Variants in GYPB observed in about 807,000 individuals in gnomAD.
The protein encoded by GYPB is glycophorin-B.
Under a neutral mutation model 15.3 loss-of-function variants are expected in GYPB, and 13 were observed. The observed-to-expected ratio is 0.85, with a 90% confidence interval of 0.55 to 1.35. GYPB has a LOEUF of 1.35. GYPB is among the 40% of genes most tolerant of loss of function. The pLI is 0.00. For missense variants in GYPB, 131 were observed against 108.3 expected, an observed-to-expected ratio of 1.21 and a Z score of -0.93; for synonymous variants, 38 against 36.9, an observed-to-expected ratio of 1.03 and a Z score of -0.11.
downstream of GYPB, chr4:143,996,004 G>A (rs1428868595): frequency 1.1e-5 from 6 of 530,892 alleles, no homozygotes; most frequent in Non-Finnish European, 1.8e-5. Context: ...TCCGCTGTTG[G>A]CTTTGTTCAG....
intron 2 of GYPB, among the ~76,000 whole-genome samples, chr4:143,999,712 G>T (rs575461248): frequency 6.6e-6 from 1 of 151,528 alleles, no homozygotes; most frequent in East Asian, 1.9e-4. Flanking sequence ...GAGGGGAAAG[G>T]AATGAGAAAG....
intron 1 of GYPB, among the ~76,000 whole-genome samples, chr4:144,019,009 T>A (rs1318707079): frequency 6.6e-6 from 1 of 151,350 alleles, no homozygotes; most frequent in African/African-American, 2.5e-5. Context: ...CTAGCTAGAC[T>A]TAGAATTGAA....
At chr4:144,011,673 T>C (rs1191268281) in intron 1 of GYPB, among the ~76,000 whole-genome samples, 8 of 151,236 alleles carry the variant, frequency 5.3e-5, no homozygotes, top group African/African-American at 1.7e-4. Flanking sequence ...ACAGAAAGGA[T>C]CTGAAATATA....
At chr4:143,999,178 G>A (rs1278001151) in intron 3 of GYPB, 4 of 390,484 alleles carry the variant, frequency 1.0e-5, no homozygotes, top group Non-Finnish European at 1.9e-5. Flanking sequence ...AAAATTATAG[G>A]GATTATAGGC....
At chr4:144,004,227 A>T (rs1256183972) in intron 1 of GYPB, among the ~76,000 whole-genome samples, 1 of 151,836 alleles carries the variant, frequency 6.6e-6, no homozygotes, top group East Asian at 1.9e-4. Flanking sequence ...TGCCCTAAAG[A>T]TAATTTGATA....
intron 1 of GYPB, among the ~76,000 whole-genome samples, chr4:144,016,297 A>G (rs1412181976): frequency 6.6e-6 from 1 of 150,630 alleles, no homozygotes; most frequent in African/African-American, 2.5e-5. Flanking sequence ...ACCAGATGAA[A>G]ACAAATATTT....
Position 144,008,561 on chromosome 4 carries a change from C to T in GYPB, c.38-7278G>A, listed in dbSNP as rs1728047503. 6 of 451,150 alleles carry T rather than the reference C, an allele frequency of 1.3e-5. No individual in the cohort carries two copies. The Admixed American group carries it at 1.4e-4, about 11-fold the overall frequency. 27.9% of individuals were successfully genotyped at this position (451,150 alleles called of 1,614,324 possible). The stretch of plus-strand genomic sequence containing the variant: ...GCATATTCCAATCTGGTCACTCCTG[C>T]CTACTAAAGAATCCTCAGAACAAAA... On this transcript the variant is annotated intron_variant, in intron 1 of 4. Coordinates refer to ENST00000502664, the MANE Select transcript of GYPB (RefSeq NM_002100.6).
At chr4:144,009,327 T>C (rs1421917021) in intron 1 of GYPB, among the ~76,000 whole-genome samples, 1 of 151,168 alleles carries the variant, frequency 6.6e-6, no homozygotes, top group African/African-American at 2.5e-5. Context: ...AAATTGTCTG[T>C]TGAGATCCCT....
intron 1 of GYPB, among the ~76,000 whole-genome samples, chr4:144,015,732 C>T (rs1560716561): frequency 6.6e-6 from 1 of 151,212 alleles, no homozygotes; most frequent in Non-Finnish European, 1.5e-5. Context: ...TTCTAAAAAC[C>T]CTATTTCACA....
chr4:144,007,597 T>C (rs1727989629), intron 1 of GYPB, among the ~76,000 whole-genome samples: 1 of 151,540 alleles, frequency 6.6e-6, no homozygotes. Flanking sequence ...TTCCAGCCAG[T>C]GCACATTCTT....
Position 143,999,430 on chromosome 4 carries a change from G to T in GYPB, c.156C>A (p.Val52=). 1 of 1,544,054 alleles carries T rather than the reference G, an allele frequency of 6.5e-7. No homozygotes were observed. Among genetic ancestry groups the T allele is most frequent in the Non-Finnish European group, 8.9e-7 (1 of 1,121,278 alleles). Residue 52 remains valine (V), a synonymous_variant, in exon 3 of 5, where the codon GTC becomes GTA. Coordinates refer to ENST00000502664, the MANE Select transcript of GYPB (RefSeq NM_002100.6). ...ACATACCTGGTACAGTGAAACGATG[G>T]ACAAGTTGTCCCGTTTCTCCTATAA... ...SQTNGETGQL[V]HRFTVPAPVV...
chr4:143,999,431 A>T lies in GYPB; in HGVS notation c.155T>A (p.Val52Asp). ...CATACCTGGTACAGTGAAACGATGG[A>T]CAAGTTGTCCCGTTTCTCCTATAAA... ...SQTNGETGQL[V>D]HRFTVPAPVV... is the part of the protein sequence containing the mutation. The change falls in exon 3 of 5, where the codon GTC (valine) becomes GAC (aspartate). Residue 52 changes from valine (V) to aspartate (D), a missense_variant. Transcript: ENST00000502664. 1 of 1,545,306 alleles carries T rather than the reference A, an allele frequency of 6.5e-7. No individual in the cohort carries two copies. The highest frequency in any genetic ancestry group is 2.3e-5 in the East Asian group (1 of 44,440).
In GYPB at chr4:143,997,575, G is replaced by T. The variant is rs1269091768; in HGVS notation, c.235C>A (p.Leu79Ile). The change falls in exon 4 of 5, where the codon CTC (leucine) becomes ATC (isoleucine). Residue 79 changes from leucine to isoleucine, a missense_variant. Coordinates refer to ENST00000502664, the MANE Select transcript of GYPB (RefSeq NM_002100.6). ...CVMAGIIGTI[L>I]LISYSIRRLI... is the part of the protein sequence containing the mutation. Reference sequence around the variant, plus strand: ...CGGCGAATACTGTAAGAAATTAAGAGGATCGTTCCAATAATACCAGCCATC... The same window carrying T: ...CGGCGAATACTGTAAGAAATTAAGATGATCGTTCCAATAATACCAGCCATC... 1.1e-5 allele frequency: 18 copies of T among 1,600,384 alleles called. No homozygotes were observed. The highest frequency in any genetic ancestry group is 1.4e-5 in the African/African-American group (1 of 72,838).
intron 1 of GYPB, among the ~76,000 whole-genome samples, chr4:144,016,063 C>A (rs1326409648): frequency 7.2e-6 from 1 of 138,570 alleles, no homozygotes. Flanking sequence ...GTCATGTATT[C>A]CCTGGCATAC....
Position 144,019,241 on chromosome 4 carries a change from A to C in GYPB, c.37+10T>G, listed in dbSNP as rs777783307. On this transcript the variant is annotated intron_variant, in intron 1 of 4. Coordinates refer to ENST00000502664, the MANE Select transcript of GYPB (RefSeq NM_002100.6). ...ATATAACAGAACCAAGATGAAATAAAATCACTTACCTGACAATAGTAATAC... is the reference window on the plus strand; with the variant it reads ...ATATAACAGAACCAAGATGAAATAACATCACTTACCTGACAATAGTAATAC... The C allele has an allele frequency of 1.2e-6, 2 of 1,610,928 alleles. No homozygotes were observed. Among genetic ancestry groups the C allele is most frequent in the South Asian group, 2.2e-5 (2 of 90,930 alleles).
Position 144,015,272 on chromosome 4 carries a change from G to A in GYPB, c.37+3979C>T, listed in dbSNP as rs1006701849. On this transcript the variant is annotated intron_variant, in intron 1 of 4. Transcript: ENST00000502664. ...AATCCCAACACTCAGAGATAAGCCC[G>A]GAATTTTTTTTCAAGATTTTTGCTT... 3.5e-4 allele frequency among the ~76,000 whole-genome samples: 53 copies of A among 151,158 alleles called. 4 individuals are homozygous for A. The highest frequency in any genetic ancestry group is 3.4e-3 in the Middle Eastern group (1 of 294).
Position 144,016,954 on chromosome 4 carries a change from T to C in GYPB, c.37+2297A>G, listed in dbSNP as rs866617643. 9.1e-4 allele frequency: 326 copies of C among 360,084 alleles called. 4 individuals carry two copies. Among genetic ancestry groups the C allele is most frequent in the Middle Eastern group, 7.1e-3 (17 of 2,386 alleles). 22.3% of individuals were successfully genotyped at this position (360,084 alleles called of 1,614,324 possible). Reference sequence around the variant, plus strand: ...TCCCTGCTACCCTTTTCTTAAGCAGTTTTCGGCATTCATGTTTATCATCTT... The same window carrying C: ...TCCCTGCTACCCTTTTCTTAAGCAGCTTTCGGCATTCATGTTTATCATCTT... On this transcript the variant is annotated intron_variant, in intron 1 of 4. Coordinates refer to ENST00000502664, the MANE Select transcript of GYPB (RefSeq NM_002100.6).
At chr4:144,009,597 CTTTCTTTTT>C (rs1560712165) in intron 1 of GYPB, among the ~76,000 whole-genome samples, 146 of 52,812 alleles carry the variant, frequency 2.8e-3, no homozygotes, top group Non-Finnish European at 4.4e-3. Flanking sequence ...GATTTTTTTT[CTTTCTTTTT>C]TTTTTTTTTT....
chr4:144,012,663 C>G (rs1728275971), intron 1 of GYPB: 1 of 151,550 alleles, frequency 6.6e-6, no homozygotes, highest in South Asian at 2.1e-4. Flanking sequence ...GAAATAAACT[C>G]ATATATCCAT....
Sources: allele counts gnomAD v4.1 joint callset (sites outside exome capture counted in the v4.1 genomes callset), GRCh38; gene constraint gnomAD v4.1.1; transcripts MANE v1.5; gene names NCBI Gene and HGNC (gene_info 2026-07-23, HGNC 2026-07-21).